The following TRHDE variants were observed in gnomAD, a reference collection of about 807,000 sequenced individuals.
The protein encoded by TRHDE is thyrotropin-releasing hormone-degrading ectoenzyme.
A neutral mutation model predicts 125.7 loss-of-function variants in TRHDE; 72 were observed. The ratio of observed to expected loss-of-function variants is 0.57; its 90% confidence interval spans 0.47 to 0.70. The LOEUF is 0.70. Ranked by LOEUF, TRHDE falls within the 30% of genes least tolerant of loss-of-function variation. The pLI is 0.00. For missense variants in TRHDE, 1,110 were observed against 1,327.1 expected (o/e 0.84, Z 2.54); for synonymous variants, 509 against 509.1 (o/e 1.00, Z 0.00).
chr12:72,562,650 T>C (rs1870235283), intron 8 of TRHDE, among the ~76,000 whole-genome samples: 2 of 152,116 alleles, frequency 1.3e-5, no homozygotes, highest in African/African-American at 2.4e-5. Flanking sequence ...TTAATGTTAA[T>C]ACAACTTTCA....
At position 72,646,271 on chromosome 12, in the gene TRHDE, T is replaced by A. The variant is rs550969674; in HGVS notation, c.2676-6051T>A. Among the ~76,000 whole-genome samples, 277 of 152,130 alleles carry A rather than the reference T, an allele frequency of 1.8e-3. 2 individuals carry two copies. The highest frequency in any genetic ancestry group is 6.2e-3 in the African/African-American group (259 of 41,534). ...TTGTGTACATTTAAGCTTAAGTTGT[T>A]ATCAGCTTAAAATAGACTGTTATAA... On this transcript the variant is annotated intron_variant, in intron 15 of 18. Coordinates refer to ENST00000261180, the MANE Select transcript of TRHDE (RefSeq NM_013381.3).
chr12:72,257,192 T>G (rs928296267), intron 2 of TRHDE: 3 of 152,208 alleles, frequency 2.0e-5, no homozygotes, highest in African/African-American at 2.4e-5. Context: ...TCCAAAAATC[T>G]GAAATCCGAT....
chr12:72,575,615 G>A, intron 12 of TRHDE, 73 bp downstream of exon 12: 2 of 1,315,596 alleles, frequency 1.5e-6, no homozygotes, highest in Non-Finnish European at 2.2e-6. Context: ...TGCATAATAT[G>A]TATATGTCTT....
chr12:72,441,110 A>G (rs1399327592), intron 3 of TRHDE, among the ~76,000 whole-genome samples: 3 of 151,796 alleles, frequency 2.0e-5, no homozygotes, highest in Non-Finnish European at 4.4e-5. Flanking sequence ...GTACTATACA[A>G]GATGATAAGG....
At chr12:72,320,982 G>A (rs936041350) in intron 2 of TRHDE, among the ~76,000 whole-genome samples, 4 of 152,080 alleles carry the variant, frequency 2.6e-5, no homozygotes, top group African/African-American at 9.7e-5. Context: ...TATTAATTAA[G>A]CTTTGATTCG....
intron 15 of TRHDE, among the ~76,000 whole-genome samples, chr12:72,640,369 A>C (rs1874001438): frequency 6.6e-6 from 1 of 152,224 alleles, no homozygotes; most frequent in South Asian, 2.1e-4. Flanking sequence ...TGGCTCGCGC[A>C]CGGTGCGTGC....
Position 72,653,166 on chromosome 12 carries a change from A to G in TRHDE, c.2984+10A>G. On this transcript the variant is annotated intron_variant, in intron 17 of 18. Transcript: ENST00000261180. ...AGATATTAAATACCAGGTAGAAATT[A>G]GAATTCTTACTTGAATGAGTAAATT... is the stretch of plus-strand genomic sequence containing the variant. 1 of 1,601,522 alleles carries G rather than the reference A, an allele frequency of 6.2e-7. No individual in the cohort carries two copies. Among genetic ancestry groups the G allele is most frequent in the Non-Finnish European group, 8.5e-7 (1 of 1,174,094 alleles).
chr12:72,622,328 G>GTTAC (rs1873086818), intron 15 of TRHDE, among the ~76,000 whole-genome samples: 3 of 151,970 alleles, frequency 2.0e-5, no homozygotes. Flanking sequence ...AAAAAATACT[G>GTTAC]TGCTAAATGT....
chr12:72,251,334 C>A (rs1325128980), intron 2 of TRHDE, among the ~76,000 whole-genome samples: 1 of 151,808 alleles, frequency 6.6e-6, no homozygotes, highest in African/African-American at 2.4e-5. Flanking sequence ...CTGGAAACCA[C>A]TAATCATTTT....
Position 72,340,772 on chromosome 12 carries a change from C to T in TRHDE, c.1189-37223C>T, listed in dbSNP as rs552346302. Among the ~76,000 whole-genome samples, 7 of 152,262 alleles carry T rather than the reference C, an allele frequency of 4.6e-5. No homozygotes were observed. The East Asian group carries it at 1.4e-3, about 29-fold the overall frequency. On this transcript the variant is annotated intron_variant, in intron 2 of 18. Transcript: ENST00000261180. ...CCAGAGTTGTACACAGTAGCCCCCT[C>T]ATATGTTCCATTGGCCAGAACATGG...
At chr12:72,593,586 T>C (rs1318164015) in intron 12 of TRHDE, among the ~76,000 whole-genome samples, 1 of 152,178 alleles carries the variant, frequency 6.6e-6, no homozygotes, top group Non-Finnish European at 1.5e-5. Context: ...TACATATGTA[T>C]ACATGTGCCA....
chr12:72,257,443 T>G (rs1471072863), intron 2 of TRHDE: 2 of 152,202 alleles, frequency 1.3e-5, no homozygotes, highest in East Asian at 1.9e-4. Context: ...TCTCACTATG[T>G]ATATGCAAAT....
At chr12:72,542,268 C>A (rs1489466787) in intron 6 of TRHDE, 23 bp from the exon 7 acceptor site, 4 of 1,551,410 alleles carry the variant, frequency 2.6e-6, no homozygotes, top group Non-Finnish European at 3.5e-6. Context: ...AAATTCTGTT[C>A]TTTTTATTAT....
At chr12:72,655,311 A>G (rs925502655) in intron 17 of TRHDE, among the ~76,000 whole-genome samples, 1 of 152,110 alleles carries the variant, frequency 6.6e-6, no homozygotes, top group African/African-American at 2.4e-5. Flanking sequence ...GAGCTCAAGC[A>G]ATCCACCTGC....
At chr12:72,488,595 A>G (rs573851925) in intron 5 of TRHDE, among the ~76,000 whole-genome samples, 103 of 152,190 alleles carry the variant, frequency 6.8e-4, no homozygotes, top group African/African-American at 2.1e-3. Flanking sequence ...GGAAACATCA[A>G]TCAGATATAA....
At chr12:72,114,639 T>C (rs145814273) in intron 2 of TRHDE, among the ~76,000 whole-genome samples, 1 of 152,006 alleles carries the variant, frequency 6.6e-6, no homozygotes, top group Non-Finnish European at 1.5e-5. Flanking sequence ...AGAAAATCCA[T>C]GTATAAGTGG....
chr12:72,669,509 C>T lies in TRHDE; in HGVS notation c.*6314C>T, dbSNP rs1875197986. The T allele has an allele frequency of 6.6e-6, 1 of 151,692 alleles. No homozygotes were observed. Among genetic ancestry groups the T allele is most frequent in the Non-Finnish European group, 1.5e-5 (1 of 67,800 alleles). The allele number at this position is 151,692 out of a possible 1,614,324, so 9.4% of individuals were successfully genotyped here. ...AATATTACAGTGGAGTTAAGAACAT[C>T]TGCCTCAAATGTACAGTGCATTTAC... is the stretch of plus-strand genomic sequence containing the variant. On this transcript the variant is annotated 3_prime_UTR_variant, in exon 19 of 19. Coordinates refer to ENST00000261180, the MANE Select transcript of TRHDE (RefSeq NM_013381.3).
At chr12:72,240,774 G>A (rs904353954) in intron 2 of TRHDE, among the ~76,000 whole-genome samples, 1 of 152,010 alleles carries the variant, frequency 6.6e-6, no homozygotes, top group Non-Finnish European at 1.5e-5. Flanking sequence ...GGGTTTCACC[G>A]TGTTAGCCAG....
At chr12:72,282,220 A>C (rs1879720936) in intron 1 of TRHDE, among the ~76,000 whole-genome samples, 1 of 152,130 alleles carries the variant, frequency 6.6e-6, no homozygotes, top group South Asian at 2.1e-4. Context: ...GTTTTGTTTT[A>C]CTTTTTGCTA....
Sources: gnomAD v4.1 joint callset for allele counts (sites outside exome capture counted in the v4.1 genomes callset) on GRCh38, gnomAD v4.1.1 for gene constraint, MANE v1.5 for transcripts, NCBI Gene and HGNC (gene_info 2026-07-23, HGNC 2026-07-21) for gene names.